The following UBR3 variants were observed in gnomAD, a reference collection of about 807,000 sequenced individuals.
The protein encoded by UBR3 is E3 ubiquitin-protein ligase UBR3.
UBR3 carries 85 observed loss-of-function variants against 243.2 expected under a neutral mutation model. The ratio of observed to expected loss-of-function variants is 0.35; its 90% confidence interval spans 0.29 to 0.42. The LOEUF is 0.42. Among genes scored for constraint, UBR3 ranks in the 10% least tolerant of loss-of-function variants. The pLI is 1.00. For missense variants in UBR3, 1,686 were observed against 2,300.8 expected (o/e 0.73, Z 5.47); for synonymous variants, 748 against 799.8 (o/e 0.94, Z 1.09).
intron 25 of UBR3, among the ~76,000 whole-genome samples, chr2:169,987,047 A>G (rs999117610): frequency 1.3e-5 from 2 of 152,116 alleles, no homozygotes; most frequent in Non-Finnish European, 2.9e-5. Context: ...GTGATGGTAT[A>G]TTACCAATGC....
At chr2:169,964,668 A>G (rs2087728528) in intron 24 of UBR3, 15 of 367,976 alleles carry the variant, frequency 4.1e-5, no homozygotes, top group South Asian at 3.2e-4. Flanking sequence ...GGAATTGCTG[A>G]GGAGAGTGGG....
At chr2:169,896,478 T>C (rs1309147436) in intron 7 of UBR3, 29 bp from the exon 8 acceptor site, 1 of 1,390,118 alleles carries the variant, frequency 7.2e-7, no homozygotes, top group Non-Finnish European at 9.6e-7. Context: ...AACTAATGTG[T>C]TTTTTCCTTT....
intron 29 of UBR3, 125 bp from the exon 30 acceptor site, chr2:170,015,156 A>C (rs778944870): frequency 1.0e-5 from 7 of 681,742 alleles, no homozygotes; most frequent in Non-Finnish European, 1.7e-5. Context: ...ATACAACATA[A>C]AAACTGCTTT....
intron 4 of UBR3, among the ~76,000 whole-genome samples, chr2:169,877,851 A>T (rs973554322): frequency 6.6e-6 from 1 of 152,242 alleles, no homozygotes; most frequent in African/African-American, 2.4e-5. Flanking sequence ...GAATTTGATT[A>T]GCTTATTAAG....
intron 35 of UBR3, among the ~76,000 whole-genome samples, chr2:170,068,325 G>A (rs932412458): frequency 6.6e-6 from 1 of 151,972 alleles, no homozygotes; most frequent in Non-Finnish European, 1.5e-5. Flanking sequence ...GAAATTAGCC[G>A]GGCATGTTGG....
chr2:169,908,787 G>GA (rs1275598169), intron 10 of UBR3, among the ~76,000 whole-genome samples: 1 of 151,174 alleles, frequency 6.6e-6, no homozygotes, highest in Non-Finnish European at 1.5e-5. Flanking sequence ...AGATAAGAGG[G>GA]AATAGCCTAC....
intron 38 of UBR3, among the ~76,000 whole-genome samples, chr2:170,081,336 T>TA (rs979836576): frequency 1.6e-4 from 25 of 151,858 alleles, no homozygotes; most frequent in African/African-American, 6.0e-4. Context: ...CCGTCTCTAC[T>TA]AAAAATACAA....
intron 36 of UBR3, 69 bp downstream of exon 36, chr2:170,073,676 C>A: frequency 1.4e-6 from 2 of 1,476,452 alleles, no homozygotes; most frequent in Admixed American, 2.5e-5. Context: ...ATAATGAGGA[C>A]TGTTAAATTT....
intron 30 of UBR3, among the ~76,000 whole-genome samples, chr2:170,018,945 T>C (rs1170504950): frequency 2.6e-5 from 4 of 152,218 alleles, no homozygotes; most frequent in Non-Finnish European, 5.9e-5. Flanking sequence ...TCTCAGTGTA[T>C]TTCTCAAGTA....
chr2:169,932,859 A>G (rs1559107804), intron 18 of UBR3, 53 bp from the exon 19 acceptor site: 2 of 1,362,888 alleles, frequency 1.5e-6, no homozygotes, highest in Non-Finnish European at 2.0e-6. Context: ...AAGTCAATAA[A>G]TATTGATTTT....
chr2:169,827,917 G>A lies in UBR3; in HGVS notation c.410G>A (p.Gly137Asp). The A allele has an allele frequency of 6.6e-7, 1 of 1,511,812 alleles. No homozygotes were observed. The highest frequency in any genetic ancestry group is 2.7e-5 in the East Asian group (1 of 37,538). 93.6% of individuals were successfully genotyped at this position (1,511,812 alleles called of 1,614,324 possible). A position where few individuals can be genotyped will look rare whatever the true frequency, so the allele number is the denominator to read the frequency against. ...NFVAYRCRTC[G>D]ISPCMSLCAE... ...GTGGCCTACCGCTGCCGGACGTGCG[G>A]CATCTCGCCCTGCATGTCGCTGTGC... Residue 137 changes from glycine to aspartate, a missense_variant, in exon 1 of 39, where the codon GGC (glycine) becomes GAC (aspartate). This residue lies in a region of UBR3 where 145 missense variants were observed against 243.8 expected (regional missense o/e 0.59). Transcript: ENST00000272793.
chr2:169,872,762 T>G lies in UBR3; in HGVS notation c.685+387T>G, dbSNP rs996983850. 4.6e-5 allele frequency among the ~76,000 whole-genome samples: 7 copies of G among 150,854 alleles called. 1 individual carries two copies. The highest frequency in any genetic ancestry group is 1.5e-5 in the Non-Finnish European group (1 of 67,412). On this transcript the variant is annotated intron_variant, in intron 2 of 38. Coordinates refer to ENST00000272793, the MANE Select transcript of UBR3 (RefSeq NM_172070.4). ...TTAGAAGATAAAATGTTTTATCAAC[T>G]TTTTTTTAGAAGTCTGTATATATTT...
intron 1 of UBR3, among the ~76,000 whole-genome samples, chr2:169,828,746 A>G (rs555562648): frequency 2.4e-4 from 36 of 152,296 alleles, no homozygotes; most frequent in African/African-American, 8.2e-4. Flanking sequence ...ATACCAGGAG[A>G]ACAAACAAAA....
At chr2:169,876,040 G>T (rs2083591515) in intron 3 of UBR3, 91 bp downstream of exon 3, 24 of 978,126 alleles carry the variant, frequency 2.5e-5, no homozygotes, top group Non-Finnish European at 2.9e-5. Flanking sequence ...GTAAATTGTA[G>T]AATTTTCATA....
rs879233242 is a variant in UBR3 at position 169,906,281 on chromosome 2, CT to C, written c.1779+120del. 32 of 1,232,254 alleles carry C rather than the reference CT, an allele frequency of 2.6e-5. 1 individual carries two copies. The South Asian group carries it at 4.9e-4, about 19-fold the overall frequency. 76.3% of individuals were successfully genotyped at this position (1,232,254 alleles called of 1,614,324 possible). ...TAATTTTGTTTCAAATTGAATTCAG[CT>C]TTATGAAAACTGACCTGAGACAGTA... On this transcript the variant is annotated intron_variant, in intron 10 of 38. Transcript: ENST00000272793.
intron 30 of UBR3, among the ~76,000 whole-genome samples, chr2:170,017,331 T>C (rs1175359846): frequency 1.3e-5 from 2 of 152,084 alleles, no homozygotes; most frequent in Non-Finnish European, 2.9e-5. Context: ...CATAATGTTT[T>C]TGAGGAGAGT....
intron 27 of UBR3, among the ~76,000 whole-genome samples, chr2:170,002,960 A>G (rs1559176084): frequency 6.6e-6 from 1 of 152,080 alleles, no homozygotes; most frequent in East Asian, 1.9e-4. Flanking sequence ...TTCAAGCAGC[A>G]CAACTTCTTA....
At chr2:169,884,957 G>T (rs766086792) in intron 5 of UBR3, among the ~76,000 whole-genome samples, 2 of 152,148 alleles carry the variant, frequency 1.3e-5, no homozygotes, top group South Asian at 2.1e-4. Context: ...TAGAGGAAGA[G>T]TACTTAAATA....
intron 24 of UBR3, among the ~76,000 whole-genome samples, chr2:169,960,176 A>G (rs934961159): frequency 1.4e-5 from 2 of 147,962 alleles, no homozygotes; most frequent in African/African-American, 2.5e-5. Context: ...TGCTTGAACC[A>G]GGAGACAGGT....
Sources: gnomAD v4.1 joint callset for allele counts (sites outside exome capture counted in the v4.1 genomes callset) on GRCh38, gnomAD v4.1.1 for gene constraint, gnomAD v4.1.1 regional missense constraint, MANE v1.5 for transcripts, NCBI Gene and HGNC (gene_info 2026-07-23, HGNC 2026-07-21) for gene names.